CCDC192: variants seen among roughly 807,000 people sequenced by gnomAD.
The protein encoded by CCDC192 is coiled-coil domain containing 192.
chr5:127,801,173 G>A lies in CCDC192; in HGVS notation c.411+3011G>A, dbSNP rs73345077. ...AAGAGAAAGGGGATTTAAAAACCAG[G>A]GTGGTAGGAATGGAACACTGAAGAT... On this transcript the variant is annotated intron_variant, in intron 5 of 6. Coordinates refer to ENST00000514853, the MANE Select transcript of CCDC192 (RefSeq NM_001317938.2). Among the ~76,000 whole-genome samples the A allele has an allele frequency of 4.7e-3, 715 of 152,236 alleles. 1 individual carries two copies. The highest frequency in any genetic ancestry group is 0.016 in the African/African-American group (670 of 41,546).
At chr5:127,874,709 T>A (rs1751995539) in intron 5 of CCDC192, among the ~76,000 whole-genome samples, 1 of 150,764 alleles carries the variant, frequency 6.6e-6, no homozygotes, top group Non-Finnish European at 1.5e-5. Flanking sequence ...CTTGGCAAGG[T>A]GAGCTCTTCA....
chr5:127,826,733 C>T (rs186574828), intron 5 of CCDC192, among the ~76,000 whole-genome samples: 1 of 150,498 alleles, frequency 6.6e-6, no homozygotes, highest in African/African-American at 2.4e-5. Flanking sequence ...CTCAGCATCA[C>T]GTAATATACC....
At chr5:127,726,920 C>A (rs971789324) in intron 2 of CCDC192, among the ~76,000 whole-genome samples, 4 of 152,212 alleles carry the variant, frequency 2.6e-5, no homozygotes, top group African/African-American at 9.6e-5. Context: ...GTAAGCAAGT[C>A]TTTGATCCCA....
chr5:127,721,635 C>A (rs1330360632), intron 2 of CCDC192, among the ~76,000 whole-genome samples: 1 of 152,170 alleles, frequency 6.6e-6, no homozygotes. Flanking sequence ...TGCCCCACTC[C>A]CAGTATCAAT....
intron 5 of CCDC192, among the ~76,000 whole-genome samples, chr5:127,864,867 G>T (rs770592678): frequency 1.9e-4 from 29 of 152,290 alleles, no homozygotes; most frequent in Non-Finnish European, 4.1e-4. Flanking sequence ...ATATATAATG[G>T]CTGGGCATGG....
intron 2 of CCDC192, among the ~76,000 whole-genome samples, chr5:127,724,918 A>G (rs570184090): frequency 2.0e-5 from 3 of 152,066 alleles, no homozygotes; most frequent in Admixed American, 6.6e-5. Context: ...TATATATACT[A>G]GGAAAATAGT....
intron 2 of CCDC192, among the ~76,000 whole-genome samples, chr5:127,712,878 T>C (rs116006060): frequency 9.8e-4 from 150 of 152,326 alleles, no homozygotes; most frequent in Admixed American, 3.5e-3. Flanking sequence ...CCACCAGCAA[T>C]GCATGAAAAT....
intron 3 of CCDC192, chr5:127,786,337 G>GAA: frequency 5.7e-5 from 31 of 544,238 alleles, no homozygotes; most frequent in South Asian, 1.5e-4. Flanking sequence ...CTCTGTGACA[G>GAA]AAAAAAAAAA....
chr5:127,736,424 C>T (rs1047164538), intron 2 of CCDC192, among the ~76,000 whole-genome samples: 2 of 151,646 alleles, frequency 1.3e-5, no homozygotes, highest in African/African-American at 4.9e-5. Flanking sequence ...GCTTTGGTAT[C>T]AGAATGATGC....
intron 6 of CCDC192, among the ~76,000 whole-genome samples, chr5:127,938,674 A>G (rs1754256952): frequency 6.6e-6 from 1 of 152,270 alleles, no homozygotes; most frequent in Admixed American, 6.5e-5. Flanking sequence ...TTAATGCATA[A>G]GCAATATAGA....
chr5:127,821,030 T>TAC (rs961964600), intron 5 of CCDC192, among the ~76,000 whole-genome samples: 8 of 152,084 alleles, frequency 5.3e-5, no homozygotes, highest in African/African-American at 1.7e-4. Flanking sequence ...ACACTACATG[T>TAC]ACACACACAC....
chr5:127,745,067 T>G (rs1753661017), intron 2 of CCDC192, among the ~76,000 whole-genome samples: 1 of 152,204 alleles, frequency 6.6e-6, no homozygotes, highest in Non-Finnish European at 1.5e-5. Flanking sequence ...ACAGCCACCT[T>G]CCTTGACTGC....
At chr5:127,727,710 G>A (rs1752415324) in intron 2 of CCDC192, among the ~76,000 whole-genome samples, 1 of 152,176 alleles carries the variant, frequency 6.6e-6, no homozygotes, top group Admixed American at 6.5e-5. Context: ...ACTGACAGAA[G>A]TAGGCTTCAG....
intron 6 of CCDC192, among the ~76,000 whole-genome samples, chr5:127,931,351 A>T (rs1331472126): frequency 6.6e-6 from 1 of 152,236 alleles, no homozygotes; most frequent in South Asian, 2.1e-4. Context: ...ATTTAGCCAA[A>T]TTGGAACTGG....
At chr5:127,866,166 A>C (rs1262874182) in intron 5 of CCDC192, among the ~76,000 whole-genome samples, 1 of 152,098 alleles carries the variant, frequency 6.6e-6, no homozygotes, top group Non-Finnish European at 1.5e-5. Context: ...TGAGTACCCC[A>C]AGGAAAAAAA....
intron 5 of CCDC192, among the ~76,000 whole-genome samples, chr5:127,826,874 A>C (rs1749556448): frequency 6.6e-6 from 1 of 152,156 alleles, no homozygotes; most frequent in African/African-American, 2.4e-5. Flanking sequence ...CCATCTCTCA[A>C]GCTTCTCCAT....
chr5:127,935,813 A>G (rs1314086354), intron 6 of CCDC192, among the ~76,000 whole-genome samples: 1 of 152,160 alleles, frequency 6.6e-6, no homozygotes, highest in Non-Finnish European at 1.5e-5. Flanking sequence ...TTAGAAAATT[A>G]TCAAAGAGAG....
intron 5 of CCDC192, among the ~76,000 whole-genome samples, chr5:127,875,041 C>CT (rs1260640637): frequency 6.6e-6 from 1 of 152,102 alleles, no homozygotes; most frequent in African/African-American, 2.4e-5. Flanking sequence ...GGATCCCATA[C>CT]TAAATATCAG....
intron 3 of CCDC192, among the ~76,000 whole-genome samples, chr5:127,763,724 T>A (rs1755057213): frequency 6.6e-6 from 1 of 152,158 alleles, no homozygotes; most frequent in African/African-American, 2.4e-5. Context: ...AGGTATCATA[T>A]CCTCTCTCAC....
Sources: gnomAD v4.1 joint callset for allele counts (sites outside exome capture counted in the v4.1 genomes callset) on GRCh38, gnomAD v4.1.1 for gene constraint, MANE v1.5 for transcripts, NCBI Gene and HGNC (gene_info 2026-07-23, HGNC 2026-07-21) for gene names.